Variants in DAB1 observed in about 807,000 individuals in gnomAD.
DAB1 encodes the protein DAB adaptor protein 1.
DAB1 carries 15 observed loss-of-function variants against 64.6 expected under a neutral mutation model. The ratio of observed to expected loss-of-function variants is 0.23; its 90% CI spans 0.16 to 0.36. The LOEUF is 0.36. Among genes scored for constraint, DAB1 ranks in the 10% least tolerant of loss-of-function variants. The probability of loss-of-function intolerance (pLI) is 1.00; values close to 1 mark genes in which losing one functional copy is unlikely to be tolerated. For synonymous variants in DAB1, 235 were observed against 251.9 expected (o/e 0.93, Z 0.64); for missense variants, 596 against 706.7 (o/e 0.84, Z 1.78).
chr1:57,267,174 G>C (rs1670649452), intron 2 of DAB1, among the ~76,000 whole-genome samples: 1 of 152,014 alleles, frequency 6.6e-6, no homozygotes, highest in Non-Finnish European at 1.5e-5. Context: ...AGAAGGCTAC[G>C]TGAAGGCAGA....
intron 4 of DAB1, among the ~76,000 whole-genome samples, chr1:57,085,461 C>A (rs1652977091): frequency 6.6e-6 from 1 of 152,194 alleles, no homozygotes; most frequent in African/African-American, 2.4e-5. Context: ...CTGATGTGCC[C>A]CCAGGACTCA....
chr1:58,318,856 G>C (rs144564399), intron 4 of DAB1, among the ~76,000 whole-genome samples: 29 of 152,246 alleles, frequency 1.9e-4, no homozygotes, highest in African/African-American at 6.5e-4. Context: ...TCCCCTTTCC[G>C]AGGTGCCGAA....
intron 7 of DAB1, among the ~76,000 whole-genome samples, chr1:57,621,262 TTG>T (rs767388836): frequency 3.1e-5 from 2 of 63,542 alleles, no homozygotes; most frequent in African/African-American, 6.9e-5. Flanking sequence ...AGTGAGATTG[TTG>T]TGTGTGTGTG....
chr1:58,208,826 T>C (rs753663424), intron 4 of DAB1, among the ~76,000 whole-genome samples: 5 of 152,184 alleles, frequency 3.3e-5, no homozygotes, highest in African/African-American at 4.8e-5. Context: ...CTGGATCAAA[T>C]GGTAGATCTA....
rs575895193 is a variant in DAB1, at chr1:57,028,954, C to T, written c.724-2911G>A. Among the ~76,000 whole-genome samples the T allele has an allele frequency of 7.5e-4, 114 of 152,236 alleles. 1 individual carries two copies. Among genetic ancestry groups the T allele is most frequent in the Middle Eastern group, 3.4e-3 (1 of 294 alleles). On this transcript the variant is annotated intron_variant, in intron 9 of 14. Transcript: ENST00000371236. The stretch of plus-strand genomic sequence containing the variant: ...AAAATTTCTGGGGAGAAATTCAAGC[C>T]AGCTGCAGAAATTTGCATAAGTAGC...
At chr1:57,504,130 C>A (rs1441211016) in intron 7 of DAB1, among the ~76,000 whole-genome samples, 3 of 152,152 alleles carry the variant, frequency 2.0e-5, no homozygotes, top group Non-Finnish European at 2.9e-5. Context: ...TACTGTGAGA[C>A]ATCAAATTGT....
chr1:57,689,598 G>T (rs1558613298), intron 6 of DAB1, among the ~76,000 whole-genome samples: 1 of 152,106 alleles, frequency 6.6e-6, no homozygotes, highest in African/African-American at 2.4e-5. Context: ...GTAAGAACAA[G>T]TCAAATGCTA....
intron 1 of DAB1, among the ~76,000 whole-genome samples, chr1:57,291,734 G>A (rs1298397857): frequency 2.0e-5 from 3 of 152,170 alleles, no homozygotes; most frequent in African/African-American, 7.2e-5. Context: ...AGCTATAAGA[G>A]CAGACAAGCA....
intron 7 of DAB1, among the ~76,000 whole-genome samples, chr1:57,548,220 A>G (rs1644876760): frequency 6.6e-6 from 1 of 152,198 alleles, no homozygotes; most frequent in Non-Finnish European, 1.5e-5. Context: ...CTTTAAAAAT[A>G]TCACCTCATT....
chr1:57,644,598 T>C (rs1275137150), intron 7 of DAB1, among the ~76,000 whole-genome samples: 1 of 151,878 alleles, frequency 6.6e-6, no homozygotes, highest in Non-Finnish European at 1.5e-5. Context: ...CATACCCACA[T>C]ATGTACATAC....
At chr1:57,200,280 T>A (rs773182577) in intron 2 of DAB1, among the ~76,000 whole-genome samples, 9 of 152,230 alleles carry the variant, frequency 5.9e-5, no homozygotes, top group Non-Finnish European at 1.3e-4. Context: ...TCACTCAACA[T>A]TGATTTACTG....
chr1:57,556,993 C>T (rs1644996540), intron 7 of DAB1, among the ~76,000 whole-genome samples: 1 of 152,120 alleles, frequency 6.6e-6, no homozygotes, highest in Non-Finnish European at 1.5e-5. Context: ...TATCCCAGCA[C>T]TGTTTGTTGA....
At chr1:57,350,403 A>C (rs1323092407) in intron 1 of DAB1, among the ~76,000 whole-genome samples, 2 of 152,110 alleles carry the variant, frequency 1.3e-5, no homozygotes, top group Non-Finnish European at 2.9e-5. Context: ...TGACCACCCT[A>C]GTAGGTTCAA....
chr1:57,687,173 A>T (rs1055948659), intron 6 of DAB1, among the ~76,000 whole-genome samples: 1 of 152,210 alleles, frequency 6.6e-6, no homozygotes, highest in Non-Finnish European at 1.5e-5. Flanking sequence ...GGCTACTAGA[A>T]CTGATAATTG....
intron 3 of DAB1, among the ~76,000 whole-genome samples, chr1:58,451,851 T>C (rs1419194575): frequency 2.0e-5 from 3 of 151,608 alleles, no homozygotes; most frequent in African/African-American, 4.8e-5. Context: ...GTAAGACTTA[T>C]ATTCAGAAAA....
rs543187995 is a variant in DAB1 at position 58,409,230 on chromosome 1, T to C, written n.258-65827A>G. Among the ~76,000 whole-genome samples, 163 of 152,308 alleles carry C rather than the reference T, an allele frequency of 1.1e-3. 1 individual carries two copies. Among genetic ancestry groups the C allele is most frequent in the African/African-American group, 3.7e-3 (154 of 41,580 alleles). On this transcript the variant is annotated intron_variant and non_coding_transcript_variant, in intron 3 of 20. Coordinates refer to the DAB1 transcript ENST00000485760. ...TCTAAAGGCTTTCTAAGAATTCTCA[T>C]TGAATTCTTACACCATTCCAAGGAG...
intron 7 of DAB1, among the ~76,000 whole-genome samples, chr1:57,641,378 G>T (rs866824014): frequency 2.5e-4 from 27 of 109,804 alleles, no homozygotes; most frequent in African/African-American, 8.3e-4. Flanking sequence ...TTTTTTTGTT[G>T]GTTTTTTTTT....
At chr1:58,333,413 T>C (rs1663022894) in intron 4 of DAB1, among the ~76,000 whole-genome samples, 1 of 152,136 alleles carries the variant, frequency 6.6e-6, no homozygotes, top group Non-Finnish European at 1.5e-5. Context: ...GTTAAACAAA[T>C]AAAATTATAG....
At chr1:57,814,965 G>A (rs1294520472) in intron 6 of DAB1, among the ~76,000 whole-genome samples, 1 of 152,158 alleles carries the variant, frequency 6.6e-6, no homozygotes, top group Non-Finnish European at 1.5e-5. Flanking sequence ...TGTAGCAGGG[G>A]TTTACAAACT....
Sources: allele counts gnomAD v4.1 joint callset (sites outside exome capture counted in the v4.1 genomes callset), GRCh38; gene constraint gnomAD v4.1.1; transcripts MANE v1.5; gene names NCBI Gene and HGNC (gene_info 2026-07-23, HGNC 2026-07-21).